COL11A1: variants seen among roughly 807,000 people sequenced by gnomAD.
The protein encoded by COL11A1 is collagen alpha-1(XI) chain.
A neutral mutation model predicts 265.2 loss-of-function variants in COL11A1; 74 were observed. The ratio of observed to expected loss-of-function variants is 0.28; its 90% CI spans 0.23 to 0.34. COL11A1 has a LOEUF of 0.34. Ranked by LOEUF, COL11A1 falls within the 10% of genes least tolerant of loss-of-function variation. The pLI is 1.00. For synonymous variants in COL11A1, 816 were observed against 727.6 expected, an observed-to-expected ratio of 1.12 and a Z score of -1.96; for missense variants, 2,165 against 2,263.6, an observed-to-expected ratio of 0.96 and a Z score of 0.88.
At chr1:103,005,150 T>C (rs1274249239) in intron 18 of COL11A1, among the ~76,000 whole-genome samples, 2 of 152,144 alleles carry the variant, frequency 1.3e-5, no homozygotes, top group Non-Finnish European at 2.9e-5. Context: ...ACATACTATA[T>C]GTTCTGTCAG....
At position 102,912,011 on chromosome 1, in the gene COL11A1, T is replaced by G. The variant is rs1393195266; in HGVS notation, c.4086+148A>C. On this transcript the variant is annotated intron_variant, in intron 54 of 66. Transcript: ENST00000370096. ...TTAGAATATGTTCTATTTTAGTTAT[T>G]ATTTGGCACATTTAAAAATTGTTTT... The G allele has an allele frequency of 8.8e-6, 6 of 680,024 alleles. No individual in the cohort carries two copies. In the East Asian group the frequency reaches 1.7e-4, roughly 19 times the overall value. The allele number at this position is 680,024 out of a possible 1,614,324, so 42.1% of individuals were successfully genotyped here.
intron 24 of COL11A1, among the ~76,000 whole-genome samples, chr1:102,998,731 T>C (rs1030146816): frequency 6.6e-6 from 1 of 151,994 alleles, no homozygotes; most frequent in East Asian, 1.9e-4. Context: ...TTGTATTATT[T>C]CCCTCAATAA....
chr1:103,001,488 C>G (rs1557927687), intron 24 of COL11A1: 2 of 424,772 alleles, frequency 4.7e-6, no homozygotes, highest in Non-Finnish European at 8.3e-6. Context: ...GAGTTATTAA[C>G]AAGAACATCA....
chr1:102,982,596 G>A (rs1570938567), intron 31 of COL11A1, among the ~76,000 whole-genome samples: 1 of 151,986 alleles, frequency 6.6e-6, no homozygotes, highest in Non-Finnish European at 1.5e-5. Context: ...CCTGAGTACA[G>A]CCAGAAAATA....
chr1:102,978,472 C>A (rs887036706), intron 35 of COL11A1, among the ~76,000 whole-genome samples: 8 of 152,104 alleles, frequency 5.3e-5, no homozygotes, highest in African/African-American at 2.4e-5. Context: ...AGAGTGATAT[C>A]TTAGTCCAGT....
chr1:102,926,907 C>G (rs1298827300), intron 46 of COL11A1, among the ~76,000 whole-genome samples: 1 of 152,050 alleles, frequency 6.6e-6, no homozygotes, highest in Non-Finnish European at 1.5e-5. Context: ...AATTGTCTAA[C>G]AAGTATAACC....
chr1:103,049,707 C>T (rs560565300), intron 4 of COL11A1, among the ~76,000 whole-genome samples: 1 of 152,172 alleles, frequency 6.6e-6, no homozygotes, highest in African/African-American at 2.4e-5. Flanking sequence ...ATGGTCTTTA[C>T]AATTTGGCAT....
chr1:102,899,453 C>T (rs1652898329), intron 54 of COL11A1, among the ~76,000 whole-genome samples: 5 of 151,894 alleles, frequency 3.3e-5, no homozygotes, highest in Admixed American at 2.6e-4. Context: ...CACATAACAA[C>T]TAAAGAAACA....
chr1:102,887,342 A>G (rs1426957387), intron 62 of COL11A1, among the ~76,000 whole-genome samples: 1 of 151,892 alleles, frequency 6.6e-6, no homozygotes, highest in Non-Finnish European at 1.5e-5. Context: ...TATATATGTT[A>G]GTCTCTTGTT....
intron 4 of COL11A1, among the ~76,000 whole-genome samples, chr1:103,047,964 T>C (rs2102103338): frequency 6.6e-6 from 1 of 152,324 alleles, no homozygotes; most frequent in African/African-American, 2.4e-5. Context: ...CACTTGATCA[T>C]GGTGGATAAG....
chr1:103,004,763 G>T, intron 18 of COL11A1, 102 bp from the exon 19 acceptor site: 1 of 1,017,506 alleles, frequency 9.8e-7, no homozygotes, highest in Non-Finnish European at 1.5e-6. Flanking sequence ...ACATTTGGCA[G>T]GGAAAATATA....
At chr1:102,950,912 T>C (rs1447666454) in intron 41 of COL11A1, among the ~76,000 whole-genome samples, 2 of 152,164 alleles carry the variant, frequency 1.3e-5, no homozygotes, top group Admixed American at 6.5e-5. Context: ...TGAGTTCTTA[T>C]GGGATCTGAT....
At chr1:103,015,860 A>G in intron 11 of COL11A1, 118 bp from the exon 12 acceptor site, 1 of 691,508 alleles carries the variant, frequency 1.4e-6, no homozygotes, top group East Asian at 3.0e-5. Flanking sequence ...TTTCCACCTT[A>G]TTTAGTCTGT....
intron 54 of COL11A1, among the ~76,000 whole-genome samples, chr1:102,904,172 T>A (rs1190529548): frequency 1.3e-5 from 2 of 152,220 alleles, no homozygotes; most frequent in South Asian, 2.1e-4. Context: ...AAGGAAGGGA[T>A]CCAGTTTTAG....
At chr1:103,066,555 C>CAA (rs35403453) in intron 4 of COL11A1, among the ~76,000 whole-genome samples, 8,280 of 106,028 alleles carry the variant, frequency 0.078, 357 homozygotes, top group African/African-American at 0.14. Flanking sequence ...CCCTCAGCAC[C>CAA]AAAAAAAAAA....
At chr1:103,048,184 G>T (rs1669468598) in intron 4 of COL11A1, among the ~76,000 whole-genome samples, 1 of 152,182 alleles carries the variant, frequency 6.6e-6, no homozygotes. Flanking sequence ...AATGGTACCA[G>T]CTCCTCCTTG....
chr1:103,003,244 T>A lies in COL11A1; in HGVS notation c.1969A>T (p.Arg657Trp). ...EAGPRGLLGPRGTPGAPGQPG... is the reference protein window; with the variant it reads ...EAGPRGLLGPWGTPGAPGQPG... ...TGCCCTGGAGCTCCTGGAGTTCCCC[T>A]TGGACCCAGCAAACCTCGTGGGCCC... Residue 657 changes from arginine (R) to tryptophan (W), a missense_variant, in exon 21 of 67, where the codon AGG becomes TGG. By Grantham distance (101) the Arg-to-Trp change is moderately radical. Transcript: ENST00000370096. 2 of 1,613,518 alleles carry A rather than the reference T, an allele frequency of 1.2e-6. No homozygotes were observed. The highest frequency in any genetic ancestry group is 1.7e-6 in the Non-Finnish European group (2 of 1,179,836).
chr1:102,881,560 G>A (rs1650244073), intron 65 of COL11A1, 137 bp downstream of exon 65: 9 of 724,506 alleles, frequency 1.2e-5, no homozygotes, highest in Non-Finnish European at 1.9e-5. Context: ...GAGATATTAA[G>A]TGGAACAAAC....
At chr1:103,041,881 T>C (rs1166753316) in intron 4 of COL11A1, among the ~76,000 whole-genome samples, 1 of 151,972 alleles carries the variant, frequency 6.6e-6, no homozygotes, top group Non-Finnish European at 1.5e-5. Context: ...AACTGTATTT[T>C]GGTTGAAGGC....
Sources: gnomAD v4.1 joint callset for allele counts (sites outside exome capture counted in the v4.1 genomes callset) on GRCh38, gnomAD v4.1.1 for gene constraint, MANE v1.5 for transcripts, NCBI Gene and HGNC (gene_info 2026-07-23, HGNC 2026-07-21) for gene names.